Variants in GRB10 observed in about 807,000 individuals in gnomAD.
The protein encoded by GRB10 is growth factor receptor bound protein 10.
In GRB10, 20 loss-of-function variants were observed where a neutral mutation model predicts 80.9. That is an observed-to-expected ratio of 0.25 (90% CI 0.17 to 0.36). The LOEUF is 0.36. GRB10 is among the 10% of genes least tolerant of loss of function. The probability of loss-of-function intolerance (pLI) is 1.00; values close to 1 mark genes in which losing one functional copy is unlikely to be tolerated. For synonymous variants in GRB10, 291 were observed against 291.5 expected, an observed-to-expected ratio of 1.00 and a Z score of 0.02; for missense variants, 548 against 747.7, an observed-to-expected ratio of 0.73 and a Z score of 3.12.
At chr7:50,764,619 A>C (rs1394375498) in intron 2 of GRB10, among the ~76,000 whole-genome samples, 1 of 152,166 alleles carries the variant, frequency 6.6e-6, no homozygotes, top group Non-Finnish European at 1.5e-5. Context: ...CTCAGAACCC[A>C]GCCTCCACCA....
At chr7:50,672,606 C>T (rs1586698284) in intron 6 of GRB10, among the ~76,000 whole-genome samples, 1 of 152,204 alleles carries the variant, frequency 6.6e-6, no homozygotes, top group Non-Finnish European at 1.5e-5. Context: ...AGCAAGCCTG[C>T]CCCTCCATCC....
At chr7:50,717,235 A>G (rs937585404) in intron 4 of GRB10, among the ~76,000 whole-genome samples, 4 of 152,350 alleles carry the variant, frequency 2.6e-5, no homozygotes, top group Admixed American at 2.6e-4. Context: ...AGAAACACAG[A>G]AAGTCTTCAC....
At chr7:50,625,915 T>C (rs2052791773) in intron 8 of GRB10, among the ~76,000 whole-genome samples, 4 of 152,178 alleles carry the variant, frequency 2.6e-5, no homozygotes, top group Admixed American at 2.6e-4. Context: ...AGGTTTAAAT[T>C]CAATGTATTA....
chr7:50,747,490 G>T (rs1043234539), intron 3 of GRB10: 2 of 152,148 alleles, frequency 1.3e-5, no homozygotes, highest in Non-Finnish European at 2.9e-5. Flanking sequence ...TTCAAAGATG[G>T]TTTTACCCTC....
At chr7:50,655,949 C>T (rs546927235) in intron 7 of GRB10, among the ~76,000 whole-genome samples, 13 of 152,232 alleles carry the variant, frequency 8.5e-5, no homozygotes, top group Non-Finnish European at 1.3e-4. Flanking sequence ...ATGTTGGAAA[C>T]TGTCTGTGAT....
At chr7:50,701,064 C>A (rs1055064914) in intron 5 of GRB10, among the ~76,000 whole-genome samples, 1 of 151,766 alleles carries the variant, frequency 6.6e-6, no homozygotes, top group East Asian at 1.9e-4. Context: ...TTTTTTCTTC[C>A]GTTTTCTACT....
Position 50,773,042 on chromosome 7 carries a change from G to C in GRB10, c.-217+7585C>G, listed in dbSNP as rs897406774. On this transcript the variant is annotated intron_variant, in intron 2 of 18. Transcript: ENST00000401949. ...AAGTTTAATGGACTCATATTTCCACGTGGCTGAGGAGGCCTCAAAATCATG... is the reference window on the plus strand; with the variant it reads ...AAGTTTAATGGACTCATATTTCCACCTGGCTGAGGAGGCCTCAAAATCATG... Among the ~76,000 whole-genome samples, 2 of 152,094 alleles carry C rather than the reference G, an allele frequency of 1.3e-5. 1 individual carries two copies. The highest frequency in any genetic ancestry group is 4.1e-4 in the South Asian group (2 of 4,824).
chr7:50,676,059 AT>A (rs1026917119), intron 5 of GRB10, among the ~76,000 whole-genome samples: 1 of 152,176 alleles, frequency 6.6e-6, no homozygotes, highest in African/African-American at 2.4e-5. Context: ...TTTTGACATC[AT>A]GGCAAATAAT....
chr7:50,618,977 C>T (rs2153582853), intron 9 of GRB10, among the ~76,000 whole-genome samples, 193 bp downstream of exon 9: 1 of 152,328 alleles, frequency 6.6e-6, no homozygotes, highest in East Asian at 1.9e-4. Flanking sequence ...TTCAGCCAGT[C>T]CCACGCACAT....
At chr7:50,756,156 G>GA (rs2075046947) in intron 2 of GRB10, 100 bp from the exon 3 acceptor site, 1 of 398,002 alleles carries the variant, frequency 2.5e-6, no homozygotes, top group East Asian at 3.6e-5. Flanking sequence ...AGACATGAAA[G>GA]AATATTTTTT....
intron 2 of GRB10, among the ~76,000 whole-genome samples, chr7:50,766,621 G>A (rs936376945): frequency 2.6e-5 from 4 of 152,100 alleles, no homozygotes; most frequent in Admixed American, 1.3e-4. Flanking sequence ...GGAGTGGAGA[G>A]GCGTGCACAG....
intron 1 of GRB10, chr7:50,793,026 GGGCCCGGGGCGCCGGAGCCCCC>G (rs1373505172): frequency 7.1e-6 from 1 of 141,462 alleles, no homozygotes; most frequent in African/African-American, 2.6e-5. Flanking sequence ...CGCCCGCTGC[GGGCCCGGGGCGCCGGAGCCCCC>G]GGCCCGGAGG....
intron 4 of GRB10, among the ~76,000 whole-genome samples, chr7:50,729,891 T>A (rs941613313): frequency 6.6e-6 from 1 of 152,186 alleles, no homozygotes; most frequent in Non-Finnish European, 1.5e-5. Context: ...AGCTCAAAGC[T>A]GGCTCCCTAG....
At chr7:50,605,626 C>G (rs1316325092) in intron 14 of GRB10, among the ~76,000 whole-genome samples, 1 of 152,180 alleles carries the variant, frequency 6.6e-6, no homozygotes, top group African/African-American at 2.4e-5. Flanking sequence ...CTAGTCCTCC[C>G]TGAGTATTAA....
chr7:50,792,442 C>T (rs2078965614), intron 1 of GRB10: 1 of 398,480 alleles, frequency 2.5e-6, no homozygotes. Context: ...TAAAGGATAC[C>T]CTAATTTCCA....
At chr7:50,760,510 T>G (rs1363160883) in intron 2 of GRB10, among the ~76,000 whole-genome samples, 1 of 151,660 alleles carries the variant, frequency 6.6e-6, no homozygotes, top group Admixed American at 6.6e-5. Context: ...ATTCAAGCAG[T>G]TTTTTTCTTA....
intron 4 of GRB10, among the ~76,000 whole-genome samples, chr7:50,723,718 C>T (rs1400824894): frequency 6.6e-6 from 1 of 152,228 alleles, no homozygotes; most frequent in Non-Finnish European, 1.5e-5. Context: ...AACTGTCAGC[C>T]TCACACGCCT....
chr7:50,648,583 T>C (rs2057569749), intron 7 of GRB10, among the ~76,000 whole-genome samples: 1 of 152,142 alleles, frequency 6.6e-6, no homozygotes, highest in African/African-American at 2.4e-5. Flanking sequence ...CCAAGTCCTC[T>C]GCCAGCCCAA....
At chr7:50,621,405 C>T (rs574492115) in intron 8 of GRB10, among the ~76,000 whole-genome samples, 2 of 152,328 alleles carry the variant, frequency 1.3e-5, no homozygotes, top group East Asian at 3.9e-4. Flanking sequence ...AGGGCGCCTA[C>T]CATCCCCAGA....
Sources: gnomAD v4.1 joint callset for allele counts (sites outside exome capture counted in the v4.1 genomes callset) on GRCh38, gnomAD v4.1.1 for gene constraint, MANE v1.5 for transcripts, NCBI Gene and HGNC (gene_info 2026-07-23, HGNC 2026-07-21) for gene names.